INSC: variants seen among roughly 807,000 people sequenced by gnomAD.
The protein encoded by INSC is protein inscuteable homolog.
A neutral mutation model predicts 58.6 loss-of-function variants in INSC; 67 were observed. That is an observed-to-expected ratio of 1.14 (90% confidence interval 0.94 to 1.40). The LOEUF (loss-of-function observed/expected upper bound fraction) is 1.40, where lower values mean the gene tolerates loss of function less well. INSC is among the 40% of genes most tolerant of loss of function. INSC has a pLI of 0.00. For missense variants in INSC, 714 were observed against 692.0 expected, an observed-to-expected ratio of 1.03 and a Z score of -0.36; for synonymous variants, 262 against 276.1, an observed-to-expected ratio of 0.95 and a Z score of 0.51.
intron 1 of INSC, among the ~76,000 whole-genome samples, chr11:15,133,545 G>A (rs761930830): frequency 2.6e-5 from 4 of 151,960 alleles, no homozygotes; most frequent in African/African-American, 7.2e-5. Context: ...TGACATAGAC[G>A]GTTTATTTTC....
At chr11:15,214,064 A>G (rs924662119) in intron 7 of INSC, among the ~76,000 whole-genome samples, 4 of 152,136 alleles carry the variant, frequency 2.6e-5, no homozygotes, top group South Asian at 2.1e-4. Context: ...CCTCTGACCC[A>G]TGGGTTTATT....
chr11:15,251,737 G>A (rs895680062), downstream of INSC, among the ~76,000 whole-genome samples: 1 of 134,328 alleles, frequency 7.4e-6, no homozygotes, highest in African/African-American at 2.9e-5. Flanking sequence ...GTGGGATGGT[G>A]GGATGGTAAA....
intron 7 of INSC, among the ~76,000 whole-genome samples, chr11:15,213,050 C>T (rs902448316): frequency 5.3e-5 from 8 of 152,148 alleles, no homozygotes; most frequent in Admixed American, 5.2e-4. Context: ...AGGCTTTTCT[C>T]GCTGTGAAGG....
At chr11:15,190,948 C>G (rs1850147344) in intron 6 of INSC, 134 bp downstream of exon 6, 5 of 591,224 alleles carry the variant, frequency 8.5e-6, no homozygotes, top group Non-Finnish European at 1.5e-5. Context: ...TTGGGAGAGT[C>G]ACTTATCCTA....
chr11:15,190,964 G>C, intron 6 of INSC, 150 bp downstream of exon 6: 1 of 571,356 alleles, frequency 1.8e-6, no homozygotes, highest in South Asian at 2.3e-5. Flanking sequence ...TCCTATCTGG[G>C]ACTTGGTGTG....
chr11:15,236,058 A>C (rs1297034337), intron 10 of INSC, among the ~76,000 whole-genome samples: 3 of 17,166 alleles, frequency 1.7e-4, no homozygotes, highest in African/African-American at 3.2e-4. Flanking sequence ...TCTGTCTCAA[A>C]AAAAAAAAAA....
the INSC span, among the ~76,000 whole-genome samples, chr11:15,268,317 A>C: frequency 1.3e-5 from 2 of 152,090 alleles, no homozygotes; most frequent in South Asian, 4.1e-4. Context: ...TTCACTGACT[A>C]TAAAGAAACT....
intron 8 of INSC, among the ~76,000 whole-genome samples, chr11:15,223,068 G>A (rs1314328939): frequency 6.6e-6 from 1 of 152,166 alleles, no homozygotes; most frequent in Non-Finnish European, 1.5e-5. Flanking sequence ...GAAGAATAAA[G>A]GTGTTTGAGT....
At chr11:15,239,714 T>C (rs1852271168) in intron 11 of INSC, among the ~76,000 whole-genome samples, 1 of 152,164 alleles carries the variant, frequency 6.6e-6, no homozygotes, top group Non-Finnish European at 1.5e-5. Flanking sequence ...ACCCAAAGCA[T>C]GTCCATGGTG....
Position 15,246,248 on chromosome 11 carries a change from G to T in INSC, c.*208G>T, listed in dbSNP as rs2133990957. ...GAATCTTCTTTGTGTTTTATTTTTT[G>T]ATTTCTGTAGCTTTTCAGTTGCAGA... is the stretch of plus-strand genomic sequence containing the variant. On this transcript the variant is annotated 3_prime_UTR_variant, in exon 13 of 13. Coordinates refer to ENST00000379556, the MANE Select transcript of INSC (RefSeq NM_001042536.3). The T allele has an allele frequency of 1.2e-5, 5 of 434,226 alleles. No homozygotes were observed. In the Middle Eastern group the frequency reaches 2.5e-3, roughly 219 times the overall value. 26.9% of individuals were successfully genotyped at this position (434,226 alleles called of 1,614,324 possible). A position where few individuals can be genotyped will look rare whatever the true frequency, so the allele number is the denominator to read the frequency against.
At chr11:15,120,397 C>G (rs1011801576) in intron 1 of INSC, among the ~76,000 whole-genome samples, 9 of 152,158 alleles carry the variant, frequency 5.9e-5, no homozygotes, top group African/African-American at 2.2e-4. Context: ...ACTAGAGGCA[C>G]TAATGTAGCA....
At chr11:15,249,954 G>C (rs949192791), downstream of INSC, among the ~76,000 whole-genome samples, 1 of 152,196 alleles carries the variant, frequency 6.6e-6, no homozygotes, top group African/African-American at 2.4e-5. Flanking sequence ...GTTGGAATGG[G>C]GGGTGGCTGA....
At chr11:15,242,442 T>C (rs10500811) in intron 12 of INSC, among the ~76,000 whole-genome samples, 74,174 of 151,900 alleles carry the variant, frequency 0.49, 18,604 homozygotes, top group East Asian at 0.77. Context: ...TTAATTTTCC[T>C]AATGACAGTT....
chr11:15,230,859 T>C lies in INSC; in HGVS notation c.1171-4743T>C, dbSNP rs1023268040. ...AAACAGTTCTATGGCTTTTATCATG[T>C]GGTCTCCTAAGCCTAAATCTTAGCC... is the stretch of plus-strand genomic sequence containing the variant. On this transcript the variant is annotated intron_variant, in intron 9 of 12. Coordinates refer to ENST00000379556, the MANE Select transcript of INSC (RefSeq NM_001042536.3). Among the ~76,000 whole-genome samples the C allele has an allele frequency of 6.6e-5, 10 of 152,306 alleles. No homozygotes were observed. The South Asian group carries it at 1.4e-3, about 22-fold the overall frequency.
chr11:15,172,631 T>C (rs1828616139), intron 2 of INSC, among the ~76,000 whole-genome samples: 1 of 152,096 alleles, frequency 6.6e-6, no homozygotes, highest in African/African-American at 2.4e-5. Flanking sequence ...TCTTGCAGGG[T>C]GAGTAGAAAC....
At chr11:15,225,517 C>T in intron 8 of INSC, 133 bp from the exon 9 acceptor site, 1 of 904,226 alleles carries the variant, frequency 1.1e-6, no homozygotes, top group South Asian at 1.8e-5. Flanking sequence ...CTAGTAGCCA[C>T]TTTCCTCATC....
At chr11:15,164,098 T>C (rs1473377205) in intron 2 of INSC, among the ~76,000 whole-genome samples, 2 of 151,970 alleles carry the variant, frequency 1.3e-5, no homozygotes, top group African/African-American at 4.8e-5. Context: ...TTCCTTAAAA[T>C]TTTAAGCTTA....
At chr11:15,112,487 C>T (rs1847590241), upstream of INSC, 11 of 1,610,436 alleles carry the variant, frequency 6.8e-6, no homozygotes, top group Non-Finnish European at 9.3e-6. Flanking sequence ...GGCCCCCTGG[C>T]AATGGAGAGG....
At chr11:15,188,231 G>A in intron 5 of INSC, 1 of 985,460 alleles carries the variant, frequency 1.0e-6, no homozygotes, top group African/African-American at 1.7e-5. Context: ...TAGATGCGAA[G>A]GGAATGGGAA....
Sources: allele counts gnomAD v4.1 joint callset (sites outside exome capture counted in the v4.1 genomes callset), GRCh38; gene constraint gnomAD v4.1.1; transcripts MANE v1.5; gene names NCBI Gene and HGNC (gene_info 2026-07-23, HGNC 2026-07-21).